The following OPCML variants were observed in gnomAD, a reference collection of about 807,000 sequenced individuals.
OPCML encodes the protein opioid-binding protein/cell adhesion molecule.
Under a neutral mutation model 37.8 loss-of-function variants are expected in OPCML, and 13 were observed. That is an observed-to-expected ratio of 0.34 (90% CI 0.22 to 0.55). The LOEUF is 0.55. Ranked by LOEUF, OPCML falls within the 20% of genes least tolerant of loss-of-function variation. The pLI is 0.91. For missense variants in OPCML, 341 were observed against 435.6 expected (o/e 0.78, Z 1.93); for synonymous variants, 176 against 168.8 (o/e 1.04, Z -0.33).
intron 2 of OPCML, among the ~76,000 whole-genome samples, chr11:132,719,168 G>A (rs895533884): frequency 6.6e-6 from 1 of 152,218 alleles, no homozygotes; most frequent in Non-Finnish European, 1.5e-5. Flanking sequence ...CAGGAGGCGC[G>A]TGTTCTTCTG....
intron 1 of OPCML, among the ~76,000 whole-genome samples, chr11:133,429,701 C>T (rs975487925): frequency 7.2e-5 from 11 of 152,020 alleles, no homozygotes; most frequent in African/African-American, 2.7e-4. Flanking sequence ...AAGAGTGACT[C>T]CTAAATGTTT....
intron 2 of OPCML, among the ~76,000 whole-genome samples, chr11:132,752,089 T>C (rs1036782527): frequency 6.6e-6 from 1 of 152,110 alleles, no homozygotes; most frequent in Non-Finnish European, 1.5e-5. Context: ...AGATGCTAAA[T>C]AGTTGAACCA....
intron 1 of OPCML, among the ~76,000 whole-genome samples, chr11:133,324,350 A>C (rs1034162734): frequency 6.6e-6 from 1 of 152,168 alleles, no homozygotes; most frequent in African/African-American, 2.4e-5. Context: ...AGAGAAAAAA[A>C]AATTTTCGGG....
At chr11:133,466,529 C>T (rs1281137203) in intron 1 of OPCML, among the ~76,000 whole-genome samples, 2 of 152,098 alleles carry the variant, frequency 1.3e-5, no homozygotes, top group Admixed American at 1.3e-4. Flanking sequence ...AAGCAAAAGG[C>T]CATTCTACAG....
chr11:133,023,527 G>A (rs1313600642), intron 1 of OPCML, among the ~76,000 whole-genome samples: 2 of 152,190 alleles, frequency 1.3e-5, no homozygotes, highest in East Asian at 1.9e-4. Context: ...ATCTGCTGGA[G>A]CCTCAAGGAA....
At chr11:132,762,603 G>A (rs987764357) in intron 2 of OPCML, among the ~76,000 whole-genome samples, 22 of 152,278 alleles carry the variant, frequency 1.4e-4, no homozygotes, top group African/African-American at 4.8e-4. Context: ...TGGTGGCTTT[G>A]TTTACACTGT....
At chr11:133,448,182 T>G (rs2136953090) in intron 1 of OPCML, among the ~76,000 whole-genome samples, 1 of 152,376 alleles carries the variant, frequency 6.6e-6, no homozygotes, top group East Asian at 1.9e-4. Context: ...TGCATTTAAA[T>G]CTACAATCTA....
chr11:132,579,835 G>A (rs377099849), intron 3 of OPCML, among the ~76,000 whole-genome samples: 3 of 152,282 alleles, frequency 2.0e-5, no homozygotes, highest in Middle Eastern at 3.4e-3. Context: ...AGTACAGTCT[G>A]TTATATCAAA....
intron 1 of OPCML, among the ~76,000 whole-genome samples, chr11:133,525,503 A>C (rs1415852498): frequency 6.6e-6 from 1 of 152,192 alleles, no homozygotes; most frequent in East Asian, 1.9e-4. Flanking sequence ...AGTCAACCGG[A>C]AGTCTACATA....
intron 1 of OPCML, among the ~76,000 whole-genome samples, chr11:133,312,042 C>T (rs1329873671): frequency 6.6e-6 from 1 of 152,120 alleles, no homozygotes. Context: ...GACCTCTGTC[C>T]AGGAAAGCCA....
At chr11:133,117,886 T>C in intron 1 of OPCML, 1 of 984,934 alleles carries the variant, frequency 1.0e-6, no homozygotes. Context: ...TGCAGCACTT[T>C]ATCAAATGAA....
chr11:132,937,168 G>A (rs998837282), intron 2 of OPCML, among the ~76,000 whole-genome samples: 21 of 152,042 alleles, frequency 1.4e-4, no homozygotes, highest in African/African-American at 4.6e-4. Context: ...GCATCTTGCT[G>A]CCGGATCCCA....
intron 1 of OPCML, chr11:133,417,990 T>C (rs1945804612): frequency 2.4e-6 from 2 of 822,726 alleles, no homozygotes; most frequent in Non-Finnish European, 2.9e-6. Flanking sequence ...CTTTGTTCCT[T>C]GCGAGACGTA....
At position 132,471,623 on chromosome 11, in the gene OPCML, C is replaced by A. The variant is rs538443769; in HGVS notation, c.506-34264G>T. Among the ~76,000 whole-genome samples, 5 of 152,282 alleles carry A rather than the reference C, an allele frequency of 3.3e-5. No homozygotes were observed. In the East Asian group the frequency reaches 9.7e-4, roughly 29 times the overall value. On this transcript the variant is annotated intron_variant, in intron 4 of 7. Transcript: ENST00000524381. ...CCAGAGGGCTGCCTAATTATCCTCA[C>A]AACAAAAGACCAAGACAGAAGCTGC...
chr11:133,181,556 CA>C (rs1187633498), intron 1 of OPCML, among the ~76,000 whole-genome samples: 2 of 152,096 alleles, frequency 1.3e-5, no homozygotes, highest in African/African-American at 4.8e-5. Context: ...AACCAAACTC[CA>C]GGGTGATCCT....
chr11:133,047,124 C>T (rs1289596747), intron 1 of OPCML, among the ~76,000 whole-genome samples: 1 of 152,170 alleles, frequency 6.6e-6, no homozygotes, highest in African/African-American at 2.4e-5. Context: ...ATGGAGGAAA[C>T]TCAGGAGAAC....
chr11:132,512,253 T>C (rs1175859057), intron 4 of OPCML, among the ~76,000 whole-genome samples: 1 of 152,070 alleles, frequency 6.6e-6, no homozygotes, highest in Non-Finnish European at 1.5e-5. Flanking sequence ...ATAGTGCTTA[T>C]AGGAATACAA....
At chr11:132,749,399 C>T (rs776827289) in intron 2 of OPCML, among the ~76,000 whole-genome samples, 17 of 151,972 alleles carry the variant, frequency 1.1e-4, no homozygotes, top group Non-Finnish European at 1.6e-4. Context: ...TCATCCAAGA[C>T]GATAGGAAAG....
intron 1 of OPCML, among the ~76,000 whole-genome samples, chr11:132,948,569 A>C (rs1945795291): frequency 1.3e-5 from 2 of 152,326 alleles, no homozygotes; most frequent in South Asian, 4.1e-4. Flanking sequence ...GCAGGCTCAC[A>C]GGCAAGTTTT....
Sources: gnomAD v4.1 joint callset for allele counts (sites outside exome capture counted in the v4.1 genomes callset) on GRCh38, gnomAD v4.1.1 for gene constraint, MANE v1.5 for transcripts, NCBI Gene and HGNC (gene_info 2026-07-23, HGNC 2026-07-21) for gene names.